The following PPP2R2C variants were observed in gnomAD, a reference collection of about 807,000 sequenced individuals.
PPP2R2C encodes protein phosphatase 2 regulatory subunit Bgamma, also known as protein phosphatase 2, regulatory subunit B, gamma.
A neutral mutation model predicts 45.3 loss-of-function variants in PPP2R2C; 10 were observed. That is an observed-to-expected ratio of 0.22 (90% CI 0.14 to 0.37). The LOEUF (loss-of-function observed/expected upper bound fraction) is 0.37, where lower values mean the gene tolerates loss of function less well. PPP2R2C is among the 10% of genes least tolerant of loss of function. PPP2R2C has a pLI of 1.00. For synonymous variants in PPP2R2C, 257 were observed against 245.4 expected (o/e 1.05, Z -0.44); for missense variants, 308 against 619.7 (o/e 0.50, Z 5.34).
At chr4:6,468,169 A>G (rs1482262495) in intron 1 of PPP2R2C, among the ~76,000 whole-genome samples, 1 of 152,220 alleles carries the variant, frequency 6.6e-6, no homozygotes, top group Non-Finnish European at 1.5e-5. Flanking sequence ...TGAGTCTCCC[A>G]CAAGCAGCAT....
chr4:6,436,871 C>T lies in PPP2R2C; in HGVS notation c.70+35289G>A, dbSNP rs190353033. On this transcript the variant is annotated intron_variant, in intron 1 of 8. Coordinates refer to ENST00000382599, the MANE Select transcript of PPP2R2C (RefSeq NM_020416.4). ...GCATGTGGGCCATAGTTTACCAACC[C>T]TTATATAGACTATAAAGCTGAGGTC... is the stretch of plus-strand genomic sequence containing the variant. Among the ~76,000 whole-genome samples, 158 of 144,996 alleles carry T rather than the reference C, an allele frequency of 1.1e-3. 1 individual carries two copies. The highest frequency in any genetic ancestry group is 3.0e-3 in the African/African-American group (117 of 39,052).
intron 6 of PPP2R2C, among the ~76,000 whole-genome samples, chr4:6,342,071 T>C (rs1297921938): frequency 1.4e-5 from 2 of 145,524 alleles, no homozygotes; most frequent in African/African-American, 5.1e-5. Context: ...ATTTTGGAGA[T>C]CTGCCACGAT....
chr4:6,421,079 G>C, intron 1 of PPP2R2C: 1 of 985,238 alleles, frequency 1.0e-6, no homozygotes, highest in African/African-American at 1.7e-5. Context: ...CACAGAAGTG[G>C]AGAGGCCACA....
chr4:6,416,658 G>A (rs569512419), intron 1 of PPP2R2C, among the ~76,000 whole-genome samples: 2 of 152,184 alleles, frequency 1.3e-5, no homozygotes, highest in Non-Finnish European at 2.9e-5. Flanking sequence ...ACCCCGATGC[G>A]CTGGCCAGGC....
intron 1 of PPP2R2C, among the ~76,000 whole-genome samples, chr4:6,547,593 A>T (rs545516967): frequency 2.0e-5 from 3 of 152,256 alleles, no homozygotes; most frequent in African/African-American, 7.2e-5. Flanking sequence ...GATTATGAAA[A>T]TAGAGGGGCA....
intron 1 of PPP2R2C, among the ~76,000 whole-genome samples, chr4:6,415,105 C>T (rs769844300): frequency 5.3e-5 from 8 of 152,352 alleles, no homozygotes; most frequent in Non-Finnish European, 7.3e-5. Flanking sequence ...CCCACAGAGC[C>T]GCTGCCTCAC....
intron 1 of PPP2R2C, chr4:6,413,821 T>C: frequency 6.6e-7 from 1 of 1,505,182 alleles, no homozygotes; most frequent in Non-Finnish European, 8.9e-7. Context: ...CAGAGGACTG[T>C]GCCGGGGCTC....
At chr4:6,458,590 A>C (rs1231614126) in intron 1 of PPP2R2C, among the ~76,000 whole-genome samples, 1 of 152,202 alleles carries the variant, frequency 6.6e-6, no homozygotes, top group Non-Finnish European at 1.5e-5. Context: ...GGGGGTACTT[A>C]AACATTCAGA....
chr4:6,392,801 C>A (rs1716745894), intron 1 of PPP2R2C, among the ~76,000 whole-genome samples: 1 of 152,198 alleles, frequency 6.6e-6, no homozygotes, highest in Admixed American at 6.5e-5. Context: ...CATGGACGAG[C>A]ACTTTCAGGG....
chr4:6,506,260 A>C (rs913047300), intron 2 of PPP2R2C, among the ~76,000 whole-genome samples: 1 of 152,220 alleles, frequency 6.6e-6, no homozygotes, highest in African/African-American at 2.4e-5. Context: ...TATTTTGTGT[A>C]ATGGTTACAT....
chr4:6,450,765 C>T (rs1355613056), intron 1 of PPP2R2C, among the ~76,000 whole-genome samples: 3 of 152,166 alleles, frequency 2.0e-5, no homozygotes, highest in Non-Finnish European at 4.4e-5. Context: ...TCCTTCTCTG[C>T]CAACTGGAGA....
intron 2 of PPP2R2C, among the ~76,000 whole-genome samples, chr4:6,481,110 TA>T (rs760460188): frequency 9.2e-5 from 14 of 152,254 alleles, no homozygotes; most frequent in Admixed American, 3.9e-4. Context: ...CATTCTCTTC[TA>T]ATTTGCTGTT....
intron 1 of PPP2R2C, among the ~76,000 whole-genome samples, chr4:6,397,668 C>T (rs961296547): frequency 1.3e-5 from 2 of 151,404 alleles, no homozygotes; most frequent in Non-Finnish European, 2.9e-5. Flanking sequence ...CCAGACCTAC[C>T]AGGGGCAAGG....
Position 6,543,865 on chromosome 4 carries a change from C to T in PPP2R2C, c.-58-8488G>A, listed in dbSNP as rs200392805. ...CAAGCAGTACTGGGGGTGGTAAAGC[C>T]GAGCATGTTTCTTTTACGTGGGTCT... is the stretch of plus-strand genomic sequence containing the variant. On this transcript the variant is annotated intron_variant, in intron 1 of 9. Coordinates refer to the PPP2R2C transcript ENST00000506140. Among the ~76,000 whole-genome samples the T allele has an allele frequency of 2.0e-4, 30 of 152,166 alleles. 1 individual carries two copies. The highest frequency in any genetic ancestry group is 4.8e-5 in the African/African-American group (2 of 41,444).
intron 5 of PPP2R2C, among the ~76,000 whole-genome samples, chr4:6,360,457 G>A (rs946192966): frequency 1.3e-5 from 2 of 152,158 alleles, no homozygotes; most frequent in Non-Finnish European, 2.9e-5. Flanking sequence ...CGAGCACAGT[G>A]AGGCTCATCC....
intron 1 of PPP2R2C, among the ~76,000 whole-genome samples, chr4:6,449,085 C>T (rs533265222): frequency 1.4e-4 from 22 of 152,176 alleles, no homozygotes; most frequent in Non-Finnish European, 2.4e-4. Context: ...GGGCTAAAAA[C>T]ACATAGCCCC....
At chr4:6,402,821 G>A (rs1405057295) in intron 1 of PPP2R2C, among the ~76,000 whole-genome samples, 1 of 152,212 alleles carries the variant, frequency 6.6e-6, no homozygotes, top group East Asian at 1.9e-4. Context: ...AGGTGAGAGG[G>A]GCATGCATGC....
intron 1 of PPP2R2C, among the ~76,000 whole-genome samples, chr4:6,441,882 G>T (rs944701696): frequency 1.3e-5 from 2 of 152,190 alleles, no homozygotes; most frequent in Non-Finnish European, 2.9e-5. Flanking sequence ...CAGCACTGCG[G>T]TCAAAATTAA....
chr4:6,407,450 C>T (rs1264045542), intron 1 of PPP2R2C, among the ~76,000 whole-genome samples: 3 of 152,202 alleles, frequency 2.0e-5, no homozygotes, highest in South Asian at 2.1e-4. Context: ...GGCTGGAGTG[C>T]GGTGGCACGA....
Sources: gnomAD v4.1 joint callset for allele counts (sites outside exome capture counted in the v4.1 genomes callset) on GRCh38, gnomAD v4.1.1 for gene constraint, MANE v1.5 for transcripts, NCBI Gene and HGNC (gene_info 2026-07-23, HGNC 2026-07-21) for gene names.